Variants in RGMB observed in about 807,000 individuals in gnomAD.
RGMB encodes repulsive guidance molecule B.
RGMB carries 16 observed loss-of-function variants against 26.9 expected under a neutral mutation model. The observed-to-expected ratio is 0.60, with a 90% CI of 0.40 to 0.90. The LOEUF (loss-of-function observed/expected upper bound fraction) is 0.90, where lower values mean the gene tolerates loss of function less well. Among genes scored for constraint, RGMB ranks in the 40% least tolerant of loss-of-function variants. RGMB has a pLI of 0.00. For missense variants in RGMB, 512 were observed against 573.3 expected, an observed-to-expected ratio of 0.89 and a Z score of 1.09; for synonymous variants, 225 against 229.3, an observed-to-expected ratio of 0.98 and a Z score of 0.17.
At position 98,794,837 on chromosome 5, in the gene RGMB, C is replaced by G. The variant is rs77780461; in HGVS notation, c.*1084C>G. The G allele has an allele frequency of 0.18, 27,173 of 152,210 alleles. 2,593 individuals carry two copies. The highest frequency in any genetic ancestry group is 0.36 in the South Asian group (1,749 of 4,814). The allele number at this position is 152,210 out of a possible 1,614,324, so 9.4% of individuals were successfully genotyped here. A position where few individuals can be genotyped will look rare whatever the true frequency, so the allele number is the denominator to read the frequency against. ...AAGTTTTTCATTCTTCCTTGTCCAC[C>G]ATGATCTTCATCACAGTCTTTGATA... is the stretch of plus-strand genomic sequence containing the variant. On this transcript the variant is annotated 3_prime_UTR_variant, in exon 3 of 3. Transcript: ENST00000513185.
intron 2 of RGMB, among the ~76,000 whole-genome samples, chr5:98,790,892 ACT>A (rs1346743612): frequency 6.6e-6 from 1 of 151,976 alleles, no homozygotes; most frequent in Non-Finnish European, 1.5e-5. Flanking sequence ...TCTATTACTA[ACT>A]CTTATTTTAG....
rs1201613741 is a variant in RGMB, at chr5:98,773,876, G to T, written c.-195G>T. On this transcript the variant is annotated 5_prime_UTR_variant, in exon 1 of 3. Coordinates refer to ENST00000513185, the MANE Select transcript of RGMB (RefSeq NM_001366508.1). ...GATGCCCCTGCGCCCCGCTGCTGCC[G>T]CCGCGGACTGGCTGCGCCGGCTGCG... 3.9e-6 allele frequency: 2 copies of T among 507,156 alleles called. No homozygotes were observed. Among genetic ancestry groups the T allele is most frequent in the East Asian group, 7.2e-5 (2 of 27,884 alleles). The allele number at this position is 507,156 out of a possible 1,614,324, so 31.4% of individuals were successfully genotyped here.
At chr5:98,792,129 T>C (rs1746948637) in intron 2 of RGMB, among the ~76,000 whole-genome samples, 1 of 152,220 alleles carries the variant, frequency 6.6e-6, no homozygotes, top group African/African-American at 2.4e-5. Context: ...GCCAGTGATG[T>C]GAAACATTTG....
rs766787079 is a variant in RGMB at position 98,779,899 on chromosome 5, A to G, written c.456A>G (p.Arg152=). ...HSHAGAREHR[R]GDQNPPSYLF... ...ACGCTGGAGCCAGGGAACACAGGAG[A>G]GGGGACCAGAACCCTCCCAGTTACC... The change falls in exon 2 of 3, where the codon AGA becomes AGG. Residue 152 remains arginine, a synonymous_variant. Transcript: ENST00000513185. The G allele has an allele frequency of 3.7e-6, 6 of 1,613,944 alleles. No homozygotes were observed. The highest frequency in any genetic ancestry group is 5.1e-6 in the Non-Finnish European group (6 of 1,179,862).
At chr5:98,782,109 C>G (rs1380056301) in intron 2 of RGMB, among the ~76,000 whole-genome samples, 2 of 152,196 alleles carry the variant, frequency 1.3e-5, no homozygotes, top group Non-Finnish European at 2.9e-5. Context: ...CCATGCTGTT[C>G]AGCAGCAAAC....
upstream of RGMB, chr5:98,770,373 T>G (rs1746113793): frequency 2.6e-6 from 1 of 386,026 alleles, no homozygotes; most frequent in African/African-American, 2.1e-5. Context: ...ACTGGTTTCC[T>G]GAGATAAATG....
intron 1 of RGMB, 36 bp downstream of exon 1, chr5:98,774,242 G>T (rs948790079): frequency 1.5e-6 from 2 of 1,364,332 alleles, no homozygotes; most frequent in Non-Finnish European, 1.9e-6. Context: ...CCAGCCCCGG[G>T]GCCTAGGGCT....
At chr5:98,771,548 T>C (rs774220699), upstream of RGMB, 4 of 152,232 alleles carry the variant, frequency 2.6e-5, no homozygotes, top group African/African-American at 9.7e-5. Context: ...TTGTGAAAAT[T>C]AGCATTTTCC....
intron 2 of RGMB, among the ~76,000 whole-genome samples, chr5:98,790,875 TAA>T: frequency 6.6e-6 from 1 of 152,330 alleles, no homozygotes; most frequent in African/African-American, 2.4e-5. Context: ...AGTGATTATA[TAA>T]AAAGTCTATT....
chr5:98,791,325 T>C (rs1338424155), intron 2 of RGMB, among the ~76,000 whole-genome samples: 1 of 152,220 alleles, frequency 6.6e-6, no homozygotes, highest in African/African-American at 2.4e-5. Context: ...GGTTCAGATC[T>C]GGCTTTATAA....
In RGMB at chr5:98,793,191, G is replaced by C; in HGVS notation, c.752G>C (p.Gly251Ala). The change falls in exon 3 of 3, where the codon GGG becomes GCG. Residue 251 changes from glycine (G) to alanine (A), a missense_variant. Transcript: ENST00000513185. Reference sequence around the variant, plus strand: ...TTTGTGGATGGCACCACCAGTGGTGGGGACAGCGATGCCAAGAGCCTGCGT... The same window carrying C: ...TTTGTGGATGGCACCACCAGTGGTGCGGACAGCGATGCCAAGAGCCTGCGT... ...AAFVDGTTSG[G>A]DSDAKSLRIV... is the part of the protein sequence containing the mutation. The C allele has an allele frequency of 6.2e-7, 1 of 1,614,010 alleles. No individual in the cohort carries two copies. The highest frequency in any genetic ancestry group is 8.5e-7 in the Non-Finnish European group (1 of 1,179,882).
chr5:98,775,238 C>T (rs1746360920), intron 1 of RGMB, among the ~76,000 whole-genome samples: 1 of 152,250 alleles, frequency 6.6e-6, no homozygotes, highest in Admixed American at 6.5e-5. Context: ...ACCATACCCG[C>T]CATGCTAAAA....
intron 2 of RGMB, among the ~76,000 whole-genome samples, chr5:98,790,272 AC>A (rs1373194492): frequency 6.6e-6 from 1 of 151,920 alleles, no homozygotes; most frequent in Non-Finnish European, 1.5e-5. Context: ...CAATCAATTC[AC>A]CCCCCTCAGC....
chr5:98,784,424 T>C (rs1005515368), intron 2 of RGMB, among the ~76,000 whole-genome samples: 4 of 152,228 alleles, frequency 2.6e-5, no homozygotes, highest in Non-Finnish European at 5.9e-5. Context: ...TAATGTCTTC[T>C]TCAAACTCTG....
intron 1 of RGMB, among the ~76,000 whole-genome samples, chr5:98,774,614 A>T (rs1310587443): frequency 6.6e-6 from 1 of 152,244 alleles, no homozygotes; most frequent in Non-Finnish European, 1.5e-5. Flanking sequence ...GAGGGAGACA[A>T]GGAGCCTTGT....
intron 1 of RGMB, among the ~76,000 whole-genome samples, chr5:98,774,654 G>T (rs1746333910): frequency 6.6e-6 from 1 of 152,218 alleles, no homozygotes; most frequent in Non-Finnish European, 1.5e-5. Flanking sequence ...GGGTGGCGGC[G>T]AGGCGAAGGA....
In RGMB at chr5:98,780,082, A is replaced by G; in HGVS notation, c.639A>G (p.Thr213=). The change falls in exon 2 of 3, where the codon ACA becomes ACG. Residue 213 remains threonine (T), a synonymous_variant. Transcript: ENST00000513185. ...TCCCTGGATCCAGTGCTACTGCTAC[A>G]AATAAGGCAAGTATACCTTCTTTTT... The part of the protein sequence containing the change: ...PVVPGSSATA[T]NKITIIFKAH... 1.2e-6 allele frequency: 2 copies of G among 1,608,160 alleles called. No homozygotes were observed. Among genetic ancestry groups the G allele is most frequent in the Non-Finnish European group, 1.7e-6 (2 of 1,179,306 alleles).
chr5:98,768,919 T>C (rs1459501792), upstream of RGMB: 2 of 152,028 alleles, frequency 1.3e-5, no homozygotes, highest in African/African-American at 4.8e-5. Context: ...GGGCAGCGCA[T>C]CTGGCGCCTT....
chr5:98,771,856 T>C (rs1746176153), upstream of RGMB: 1 of 152,216 alleles, frequency 6.6e-6, no homozygotes, highest in South Asian at 2.1e-4. Flanking sequence ...TTATTGATCC[T>C]TAACTATTGA....
Sources: allele counts gnomAD v4.1 joint callset (sites outside exome capture counted in the v4.1 genomes callset), GRCh38; gene constraint gnomAD v4.1.1; transcripts MANE v1.5; gene names NCBI Gene and HGNC (gene_info 2026-07-23, HGNC 2026-07-21).